The following DDHD1 variants were observed in gnomAD, a reference collection of about 807,000 sequenced individuals.
DDHD1 encodes the protein DDHD domain containing 1.
Under a neutral mutation model 96.4 loss-of-function variants are expected in DDHD1, and 49 were observed. The ratio of observed to expected loss-of-function variants is 0.51; its 90% confidence interval spans 0.40 to 0.64. DDHD1 has a LOEUF of 0.64. Among genes scored for constraint, DDHD1 ranks in the 30% least tolerant of loss-of-function variants. DDHD1 has a pLI of 0.00. For synonymous variants in DDHD1, 442 were observed against 446.5 expected (o/e 0.99, Z 0.13); for missense variants, 1,106 against 1,161.2 (o/e 0.95, Z 0.69).
At chr14:53,072,003 C>T (rs896877190) in intron 6 of DDHD1, among the ~76,000 whole-genome samples, 4 of 152,140 alleles carry the variant, frequency 2.6e-5, no homozygotes, top group Non-Finnish European at 5.9e-5. Context: ...GGATACTAAT[C>T]ATACCTACTT....
chr14:53,151,188 A>C (rs17126206), intron 1 of DDHD1, among the ~76,000 whole-genome samples: 12,528 of 152,256 alleles, frequency 0.082, 1,220 homozygotes, highest in African/African-American at 0.23. Flanking sequence ...AGGTCCTAAC[A>C]TACAGAAAGG....
At chr14:53,070,696 G>A (rs1163622107) in intron 6 of DDHD1, among the ~76,000 whole-genome samples, 1 of 151,972 alleles carries the variant, frequency 6.6e-6, no homozygotes, top group African/African-American at 2.4e-5. Flanking sequence ...GAAAATATTT[G>A]GCAAATTAAA....
rs571116841 is a variant in DDHD1, at chr14:53,041,419, C to G, written c.*5349G>C. 13 of 152,168 alleles carry G rather than the reference C, an allele frequency of 8.5e-5. No individual in the cohort carries two copies. Among genetic ancestry groups the G allele is most frequent in the Non-Finnish European group, 1.8e-4 (12 of 67,978 alleles). The allele number at this position is 152,168 out of a possible 1,614,324, so 9.4% of individuals were successfully genotyped here. On this transcript the variant is annotated 3_prime_UTR_variant, in exon 13 of 13. Coordinates refer to ENST00000673822, the MANE Select transcript of DDHD1 (RefSeq NM_001160148.2). ...ACACACACCAAAAAACAAAACAAAACACAATAGTAAAAACTCTTCTCATAG... is the reference window on the plus strand; with the variant it reads ...ACACACACCAAAAAACAAAACAAAAGACAATAGTAAAAACTCTTCTCATAG...
chr14:53,054,926 C>A (rs2139836571), intron 10 of DDHD1, among the ~76,000 whole-genome samples: 1 of 152,202 alleles, frequency 6.6e-6, no homozygotes, highest in African/African-American at 2.4e-5. Context: ...AGATTAAAGT[C>A]TTTGATAAAA....
intron 6 of DDHD1, among the ~76,000 whole-genome samples, chr14:53,066,183 G>T (rs368643549): frequency 6.6e-6 from 1 of 152,014 alleles, no homozygotes; most frequent in African/African-American, 2.4e-5. Flanking sequence ...ATGGAATTTC[G>T]TTCTGTTGCC....
At chr14:53,051,661 T>G (rs1882581706) in intron 12 of DDHD1, among the ~76,000 whole-genome samples, 183 bp downstream of exon 12, 1 of 151,954 alleles carries the variant, frequency 6.6e-6, no homozygotes, top group South Asian at 2.1e-4. Flanking sequence ...ATTTTCAGGT[T>G]TCAGAACCAC....
rs9323235 is a variant in DDHD1, at chr14:53,043,399, G to GTGTA, written c.*3368_*3369insTACA. On this transcript the variant is annotated 3_prime_UTR_variant, in exon 13 of 13. Coordinates refer to ENST00000673822, the MANE Select transcript of DDHD1 (RefSeq NM_001160148.2). The stretch of plus-strand genomic sequence containing the variant: ...GCAGTTATTAGAACATCCAGTGTGT[G>GTGTA]TGTGTGTGTGTGTGTGTGTGTGTAA... 0.44 allele frequency: 66,717 copies of GTGTA among 150,506 alleles called. 15,776 individuals are homozygous for GTGTA. The highest frequency in any genetic ancestry group is 0.55 in the East Asian group (2,796 of 5,104). 9.3% of individuals were successfully genotyped at this position (150,506 alleles called of 1,614,324 possible). A position where few individuals can be genotyped will look rare whatever the true frequency, so the allele number is the denominator to read the frequency against.
At chr14:53,131,788 C>G (rs1406979856) in intron 1 of DDHD1, among the ~76,000 whole-genome samples, 1 of 152,096 alleles carries the variant, frequency 6.6e-6, no homozygotes, top group Admixed American at 6.6e-5. Flanking sequence ...ACAAATCTTC[C>G]CAACAGGACA....
intron 4 of DDHD1, 74 bp from the exon 5 acceptor site, chr14:53,073,921 A>T (rs1884740607): frequency 7.5e-7 from 1 of 1,329,574 alleles, no homozygotes. Context: ...TATATGAGAT[A>T]AAATGTGTTT....
chr14:53,130,295 T>C (rs896249213), intron 1 of DDHD1, among the ~76,000 whole-genome samples: 2 of 152,198 alleles, frequency 1.3e-5, no homozygotes, highest in Non-Finnish European at 2.9e-5. Flanking sequence ...AAGGTTAATA[T>C]TCCTTTTTCT....
At chr14:53,098,110 G>A (rs1887024633) in intron 2 of DDHD1, among the ~76,000 whole-genome samples, 1 of 151,914 alleles carries the variant, frequency 6.6e-6, no homozygotes, top group Non-Finnish European at 1.5e-5. Context: ...AAAGATCACT[G>A]TTAAAGAAAA....
At chr14:53,151,023 TGTTG>T (rs1452631883) in intron 1 of DDHD1, among the ~76,000 whole-genome samples, 1 of 152,224 alleles carries the variant, frequency 6.6e-6, no homozygotes, top group Non-Finnish European at 1.5e-5. Context: ...ATTTGACACA[TGTTG>T]GAATTGCTAT....
intron 2 of DDHD1, among the ~76,000 whole-genome samples, chr14:53,095,550 C>T (rs1409988823): frequency 6.6e-6 from 1 of 152,126 alleles, no homozygotes; most frequent in African/African-American, 2.4e-5. Flanking sequence ...ATTTTACTTA[C>T]CTGCCACGGC....
intron 8 of DDHD1, among the ~76,000 whole-genome samples, chr14:53,059,127 C>T (rs1454660935): frequency 3.9e-5 from 6 of 152,058 alleles, no homozygotes; most frequent in African/African-American, 9.7e-5. Flanking sequence ...CAGTAAAAGA[C>T]GAGAAAGGTT....
rs1485277520 is a variant in DDHD1 at position 53,152,816 on chromosome 14, C to T, written c.283G>A (p.Glu95Lys). 2.5e-6 allele frequency: 4 copies of T among 1,611,542 alleles called. No homozygotes were observed. The highest frequency in any genetic ancestry group is 1.7e-5 in the Admixed American group (1 of 59,916). ...TAGTAGCGCAGCGAGGAGCCCGACT[C>T]GGCGGAGCTGAAGTCATAGTTCTCG... is the stretch of plus-strand genomic sequence containing the variant. ...SDENYDFSSAESGSSLRYYSE... is the reference protein window; with the variant it reads ...SDENYDFSSAKSGSSLRYYSE... The change falls in exon 1 of 13, where the codon GAG (glutamate) becomes AAG (lysine). Residue 95 changes from glutamate to lysine, a missense_variant. By Grantham distance (56) the Glu-to-Lys change is moderately conservative. This residue lies in a region of DDHD1 where 456 missense variants were observed against 402.4 expected (regional missense o/e 1.13). Transcript: ENST00000673822.
At chr14:53,060,128 A>T (rs1055827802) in intron 8 of DDHD1, among the ~76,000 whole-genome samples, 1 of 152,192 alleles carries the variant, frequency 6.6e-6, no homozygotes, top group African/African-American at 2.4e-5. Flanking sequence ...TTCTTGTGAG[A>T]AAAGAAACAC....
At position 53,153,079 on chromosome 14, in the gene DDHD1, C is replaced by T; in HGVS notation, c.20G>A (p.Gly7Glu). 6.9e-7 allele frequency: 1 copy of T among 1,446,766 alleles called. No homozygotes were observed. Among genetic ancestry groups the T allele is most frequent in the East Asian group, 2.9e-5 (1 of 34,750 alleles). The allele number at this position is 1,446,766 out of a possible 1,614,324, so 89.6% of individuals were successfully genotyped here. A position where few individuals can be genotyped will look rare whatever the true frequency, so the allele number is the denominator to read the frequency against. ...GTTATGCTCGGGGCTCCGTGGGGAC[C>T]CGCGGCCCGGGTAATTCATGCTGTG... is the stretch of plus-strand genomic sequence containing the variant. MNYPGR[G>E]SPRSPEHNGR... is the part of the protein sequence containing the mutation. The change falls in exon 1 of 13, where the codon GGG (glycine) becomes GAG (glutamate). Residue 7 changes from glycine to glutamate, a missense_variant. Coordinates refer to ENST00000673822, the MANE Select transcript of DDHD1 (RefSeq NM_001160148.2).
At chr14:53,049,045 ATG>A (rs1882296066) in intron 12 of DDHD1, 1 of 146,764 alleles carries the variant, frequency 6.8e-6, no homozygotes, top group African/African-American at 2.8e-5. Flanking sequence ...TGTTTATAAC[ATG>A]TGTTATTTGG....
chr14:53,135,681 T>C (rs943405306), intron 1 of DDHD1, among the ~76,000 whole-genome samples: 1 of 152,184 alleles, frequency 6.6e-6, no homozygotes, highest in South Asian at 2.1e-4. Context: ...TTGTGCCTAA[T>C]AGAGAAATAC....
Sources: allele counts gnomAD v4.1 joint callset (sites outside exome capture counted in the v4.1 genomes callset), GRCh38; gene constraint gnomAD v4.1.1; regional missense constraint gnomAD v4.1.1; transcripts MANE v1.5; gene names NCBI Gene and HGNC (gene_info 2026-07-23, HGNC 2026-07-21).